The following FNDC1 variants were observed in gnomAD, a reference collection of about 807,000 sequenced individuals.
FNDC1 encodes the protein fibronectin type III domain containing 1.
FNDC1 carries 96 observed loss-of-function variants against 168.0 expected under a neutral mutation model. The ratio of observed to expected loss-of-function variants is 0.57; its 90% CI spans 0.48 to 0.68. FNDC1 has a LOEUF of 0.68. Among genes scored for constraint, FNDC1 ranks in the 30% least tolerant of loss-of-function variants. The pLI is 0.00. For missense variants in FNDC1, 2,587 were observed against 2,482.1 expected (o/e 1.04, Z -0.90); for synonymous variants, 1,099 against 1,025.9 (o/e 1.07, Z -1.36).
At chr6:159,205,703 G>A (rs1036111371) in intron 4 of FNDC1, among the ~76,000 whole-genome samples, 7 of 152,230 alleles carry the variant, frequency 4.6e-5, no homozygotes, top group African/African-American at 1.7e-4. Context: ...GTTTTGAAAT[G>A]TCATGAAACT....
rs1252278627 is a variant in FNDC1, at chr6:159,199,998, C to A, written c.307C>A (p.Pro103Thr). The change falls in exon 3 of 23, where the codon CCG becomes ACG. Residue 103 changes from proline to threonine, a missense_variant and splice_region_variant. Transcript: ENST00000297267. ...TYSFLIEDVE[P>T]GVVYFVLLTA... ...TTGATATGAACCGTATGTTTCAGAG[C>A]CGGGGGTAGTGTACTTTGTGCTGCT... 4 of 1,602,714 alleles carry A rather than the reference C, an allele frequency of 2.5e-6. No homozygotes were observed. Among genetic ancestry groups the A allele is most frequent in the South Asian group, 2.3e-5 (2 of 88,450 alleles).
intron 1 of FNDC1, among the ~76,000 whole-genome samples, chr6:159,177,556 C>T (rs1423701495): frequency 2.0e-5 from 3 of 151,912 alleles, no homozygotes; most frequent in Non-Finnish European, 4.4e-5. Flanking sequence ...CAGGTGGGCT[C>T]ACTGTGAGCC....
Position 159,234,095 on chromosome 6 carries a change from C to T in FNDC1, c.3583C>T (p.Leu1195Phe). Residue 1195 changes from leucine to phenylalanine, a missense_variant, in exon 11 of 23, where the codon CTT (leucine) becomes TTT (phenylalanine). Coordinates refer to ENST00000297267, the MANE Select transcript of FNDC1 (RefSeq NM_032532.3). The part of the protein sequence containing the change: ...AGFFKGGKED[L>F]LSSSVPKWPS... ...ATTTTTTAAAGGCGGGAAAGAAGAC[C>T]TTCTGTCTTCCTCTGTGCCAAAGTG... 1.9e-6 allele frequency: 3 copies of T among 1,611,176 alleles called. No homozygotes were observed. Among genetic ancestry groups the T allele is most frequent in the Non-Finnish European group, 2.5e-6 (3 of 1,178,842 alleles).
At chr6:159,219,101 C>T (rs1056187647) in intron 5 of FNDC1, among the ~76,000 whole-genome samples, 10 of 150,458 alleles carry the variant, frequency 6.6e-5, no homozygotes, top group African/African-American at 9.8e-5. Flanking sequence ...AGTGCAGTGG[C>T]GTAATCTCAG....
chr6:159,182,473 AT>A (rs1358671004), intron 1 of FNDC1, among the ~76,000 whole-genome samples: 1 of 152,148 alleles, frequency 6.6e-6, no homozygotes, highest in Non-Finnish European at 1.5e-5. Flanking sequence ...CGCTCTTTGA[AT>A]TCCATTAATG....
chr6:159,225,841 T>C lies in FNDC1; in HGVS notation c.1072+119T>C, dbSNP rs2114981321. 5 of 867,280 alleles carry C rather than the reference T, an allele frequency of 5.8e-6. No individual in the cohort carries two copies. The South Asian group carries it at 8.2e-5, about 14-fold the overall frequency. 53.7% of individuals were successfully genotyped at this position (867,280 alleles called of 1,614,324 possible). A position where few individuals can be genotyped will look rare whatever the true frequency, so the allele number is the denominator to read the frequency against. The stretch of plus-strand genomic sequence containing the variant: ...CCAGCGTGGGCATTTTTGAAAGTCA[T>C]GTTAATCCTAAATTTTGGTAGAGTT... On this transcript the variant is annotated intron_variant, in intron 8 of 22. Coordinates refer to ENST00000297267, the MANE Select transcript of FNDC1 (RefSeq NM_032532.3).
intron 4 of FNDC1, among the ~76,000 whole-genome samples, chr6:159,209,266 G>C (rs908673521): frequency 8.5e-5 from 13 of 152,204 alleles, no homozygotes; most frequent in African/African-American, 3.1e-4. Flanking sequence ...TTCTGGGCTG[G>C]GGGGATTCAT....
At chr6:159,177,368 C>T (rs750453349) in intron 1 of FNDC1, among the ~76,000 whole-genome samples, 11 of 152,132 alleles carry the variant, frequency 7.2e-5, no homozygotes, top group African/African-American at 2.4e-4. Flanking sequence ...GAAAGCTGTG[C>T]GGTGATGTCT....
chr6:159,260,380 C>G (rs1777458600), intron 18 of FNDC1, among the ~76,000 whole-genome samples: 1 of 152,220 alleles, frequency 6.6e-6, no homozygotes, highest in Non-Finnish European at 1.5e-5. Flanking sequence ...CTCAGTCTCT[C>G]TCCAGATGAG....
intron 1 of FNDC1, among the ~76,000 whole-genome samples, chr6:159,175,288 C>T (rs1196140155): frequency 6.6e-6 from 1 of 152,136 alleles, no homozygotes; most frequent in Non-Finnish European, 1.5e-5. Flanking sequence ...AGTGACCTTA[C>T]GAAGTCAGTA....
intron 18 of FNDC1, among the ~76,000 whole-genome samples, chr6:159,259,208 A>G (rs1477916150): frequency 6.6e-6 from 1 of 152,240 alleles, no homozygotes; most frequent in African/African-American, 2.4e-5. Flanking sequence ...TAGCCCATCA[A>G]AAAAGTTTCA....
At chr6:159,211,594 A>T (rs545336042) in intron 4 of FNDC1, among the ~76,000 whole-genome samples, 1 of 152,066 alleles carries the variant, frequency 6.6e-6, no homozygotes. Context: ...CCCTGTATGC[A>T]AGGCCTGGTG....
chr6:159,267,154 C>T (rs970883639), intron 21 of FNDC1, among the ~76,000 whole-genome samples: 4 of 152,112 alleles, frequency 2.6e-5, no homozygotes, highest in Non-Finnish European at 5.9e-5. Context: ...AACAAAGTCC[C>T]TCCTTCGACC....
chr6:159,174,733 C>T (rs1346051171), intron 1 of FNDC1, among the ~76,000 whole-genome samples: 2 of 152,228 alleles, frequency 1.3e-5, no homozygotes, highest in South Asian at 2.1e-4. Context: ...ATTGCCTAGA[C>T]CTGCAGCTGG....
Position 159,240,008 on chromosome 6 carries a change from C to T in FNDC1, c.4621+51C>T, listed in dbSNP as rs12332950. 1.0e-3 allele frequency: 1,491 copies of T among 1,435,304 alleles called. 1 individual carries two copies. The highest frequency in any genetic ancestry group is 6.6e-3 in the African/African-American group (462 of 69,680). The allele number at this position is 1,435,304 out of a possible 1,614,324, so 88.9% of individuals were successfully genotyped here. ...CTACTTACCAGGCACACTAGCACGC[C>T]GCAACTCAGAGCAGGGTGGCAGAGC... On this transcript the variant is annotated intron_variant, in intron 14 of 22. Transcript: ENST00000297267.
At chr6:159,196,166 A>C (rs1376288213) in intron 1 of FNDC1, among the ~76,000 whole-genome samples, 1 of 152,212 alleles carries the variant, frequency 6.6e-6, no homozygotes, top group Non-Finnish European at 1.5e-5. Flanking sequence ...CTTACCTGTG[A>C]TTCCTCCCTC....
At chr6:159,249,309 C>T (rs528148838) in intron 16 of FNDC1, 127 bp downstream of exon 16, 1 of 848,118 alleles carries the variant, frequency 1.2e-6, no homozygotes, top group South Asian at 1.8e-5. Context: ...AATGAAGTTT[C>T]CACTGGGGAT....
In FNDC1 at chr6:159,233,490, C is replaced by A. The variant is rs1476940664; in HGVS notation, c.2978C>A (p.Pro993His). ...CGGTCACAGCAGCATCCCAGTGTTC[C>A]CAGAAGGATGACACCCGGCCGGGCC... ...AARSQQHPSV[P>H]RRMTPGRAPQ... The change falls in exon 11 of 23, where the codon CCC becomes CAC. Residue 993 changes from proline (P) to histidine (H), a missense_variant. Physicochemically the swap from Pro to His is moderately conservative, Grantham distance 77. Transcript: ENST00000297267. This position sits in a 1 kb window ranked among gnomAD's most constrained non-coding sequence, Gnocchi z 4.6. The A allele has an allele frequency of 6.2e-7, 1 of 1,604,612 alleles. No homozygotes were observed. The highest frequency in any genetic ancestry group is 1.1e-5 in the South Asian group (1 of 90,294).
chr6:159,248,931 G>C (rs1777194930), intron 15 of FNDC1, 108 bp from the exon 16 acceptor site: 1 of 1,019,094 alleles, frequency 9.8e-7, no homozygotes, highest in Admixed American at 2.9e-5. Context: ...GTGTCTGTCT[G>C]TCTGTCTGGG....
Sources: gnomAD v4.1 joint callset for allele counts (sites outside exome capture counted in the v4.1 genomes callset) on GRCh38, gnomAD v4.1.1 for gene constraint, Gnocchi (gnomAD v3.1) non-coding constraint, MANE v1.5 for transcripts, NCBI Gene and HGNC (gene_info 2026-07-23, HGNC 2026-07-21) for gene names.